Variants in EVC observed in about 807,000 individuals in gnomAD.
EVC encodes the protein EvC ciliary complex subunit 1, also known as evC complex member EVC.
A neutral mutation model predicts 118.9 loss-of-function variants in EVC; 116 were observed. The observed-to-expected ratio is 0.98, with a 90% CI of 0.84 to 1.14. The LOEUF (loss-of-function observed/expected upper bound fraction) is 1.14, where lower values mean the gene tolerates loss of function less well. Among genes scored for constraint, EVC ranks in the 50% most tolerant of loss-of-function variants. EVC has a pLI of 0.00. For synonymous variants in EVC, 619 were observed against 534.7 expected, an observed-to-expected ratio of 1.16 and a Z score of -2.18; for missense variants, 1,401 against 1,246.4, an observed-to-expected ratio of 1.12 and a Z score of -1.87.
In EVC at chr4:5,754,206, G is replaced by A. The variant is rs1356703125; in HGVS notation, c.1464+273G>A. 1.3e-5 allele frequency among the ~76,000 whole-genome samples: 2 copies of A among 152,182 alleles called. No individual in the cohort carries two copies. Among genetic ancestry groups the A allele is most frequent in the African/African-American group, 2.4e-5 (1 of 41,442 alleles). Reference sequence around the variant, plus strand: ...GTAGAGAGCTTGGCAGAGTGCAGACGCATGGCAGGAGCACACAGATGGTGG... The same window carrying A: ...GTAGAGAGCTTGGCAGAGTGCAGACACATGGCAGGAGCACACAGATGGTGG... On this transcript the variant is annotated intron_variant, in intron 10 of 20. Coordinates refer to ENST00000264956, the MANE Select transcript of EVC (RefSeq NM_153717.3). This position sits in a 1 kb window ranked among gnomAD's most constrained non-coding sequence, Gnocchi z 5.8.
At chr4:5,739,241 C>T (rs371759935) in intron 5 of EVC, among the ~76,000 whole-genome samples, 1 of 152,202 alleles carries the variant, frequency 6.6e-6, no homozygotes, top group African/African-American at 2.4e-5. Context: ...AGACTCGAAA[C>T]TAACATCTTG....
chr4:5,745,396 A>T, intron 7 of EVC, 55 bp downstream of exon 7: 1 of 1,580,586 alleles, frequency 6.3e-7, no homozygotes, highest in Non-Finnish European at 8.7e-7. Context: ...AAACAGTTAA[A>T]TTGGCTACAT....
intron 18 of EVC, among the ~76,000 whole-genome samples, chr4:5,808,876 A>T (rs930016718): frequency 2.0e-5 from 3 of 152,242 alleles, no homozygotes; most frequent in African/African-American, 7.2e-5. Context: ...ATCTTCCAGA[A>T]TGGAAGCATT....
At chr4:5,732,786 G>T (rs1459240556) in intron 4 of EVC, among the ~76,000 whole-genome samples, 2 of 152,198 alleles carry the variant, frequency 1.3e-5, no homozygotes, top group African/African-American at 4.8e-5. Flanking sequence ...AAGGTGGGTG[G>T]ATTGCTTGAG....
intron 1 of EVC, among the ~76,000 whole-genome samples, chr4:5,717,760 G>C (rs989029917): frequency 1.3e-5 from 2 of 152,180 alleles, no homozygotes; most frequent in Non-Finnish European, 2.9e-5. Flanking sequence ...CTTCTTTTAA[G>C]TTCCTTCTCA....
intron 12 of EVC, among the ~76,000 whole-genome samples, chr4:5,787,673 C>G (rs1262864375): frequency 1.3e-5 from 2 of 152,164 alleles, no homozygotes; most frequent in East Asian, 3.8e-4. Flanking sequence ...AGTGTTATAG[C>G]AGCCACAGGA....
At chr4:5,788,351 G>A (rs1290351080) in intron 12 of EVC, among the ~76,000 whole-genome samples, 1 of 152,134 alleles carries the variant, frequency 6.6e-6, no homozygotes, top group Non-Finnish European at 1.5e-5. Flanking sequence ...AGTCACTTCT[G>A]TGCTCACTCA....
In EVC at chr4:5,769,559, G is replaced by A. The variant is rs969287633; in HGVS notation, c.1563+13197G>A. On this transcript the variant is annotated intron_variant, in intron 11 of 20. Transcript: ENST00000264956. ...GCGATCGCGTGAGCTCTGTGGCTCG[G>A]CACCTCACAAACAGGTTGCTGCACC... Among the ~76,000 whole-genome samples, 18 of 152,102 alleles carry A rather than the reference G, an allele frequency of 1.2e-4. 1 individual carries two copies. Among genetic ancestry groups the A allele is most frequent in the African/African-American group, 3.6e-4 (15 of 41,404 alleles).
At chr4:5,822,737 G>T in the EVC span, among the ~76,000 whole-genome samples, 1 of 152,164 alleles carries the variant, frequency 6.6e-6, no homozygotes, top group Admixed American at 6.5e-5. Flanking sequence ...AAATCAAAAA[G>T]AGAAAGCAAA....
intron 8 of EVC, among the ~76,000 whole-genome samples, chr4:5,750,270 A>G (rs889557767): frequency 6.6e-5 from 10 of 152,162 alleles, no homozygotes; most frequent in African/African-American, 2.4e-4. Context: ...TGCAAAGGTG[A>G]AAGACTTTTC....
intron 11 of EVC, among the ~76,000 whole-genome samples, chr4:5,767,387 C>G (rs188736297): frequency 1.6e-5 from 2 of 124,246 alleles, no homozygotes; most frequent in African/African-American, 5.6e-5. Flanking sequence ...GATGGAACCT[C>G]CAGAGGCAGG....
intron 11 of EVC, among the ~76,000 whole-genome samples, chr4:5,768,437 C>G (rs149433278): frequency 6.6e-6 from 1 of 152,024 alleles, no homozygotes; most frequent in African/African-American, 2.4e-5. Context: ...TTTGTTTGGA[C>G]GATCAATATC....
chr4:5,748,783 T>C (rs11737282), intron 8 of EVC, among the ~76,000 whole-genome samples: 3 of 107,792 alleles, frequency 2.8e-5, no homozygotes, highest in South Asian at 3.5e-4. Flanking sequence ...CATCCACCCA[T>C]CCATCCATCC....
rs529521701 is a variant in EVC at position 5,738,854 on chromosome 4, C to T, written c.703-2862C>T. Among the ~76,000 whole-genome samples, 4 of 152,192 alleles carry T rather than the reference C, an allele frequency of 2.6e-5. No homozygotes were observed. The South Asian group carries it at 8.3e-4, about 32-fold the overall frequency. On this transcript the variant is annotated intron_variant, in intron 5 of 20. Transcript: ENST00000264956. This position sits in a 1 kb window ranked among gnomAD's most constrained non-coding sequence, Gnocchi z 6.5. ...GTGCTGGGATTACGGGTGTGAGCCACCGCACCCAGCCCAACAACTTTTTTT... is the reference window on the plus strand; with the variant it reads ...GTGCTGGGATTACGGGTGTGAGCCATCGCACCCAGCCCAACAACTTTTTTT...
the EVC span, among the ~76,000 whole-genome samples, chr4:5,827,066 C>G: frequency 6.6e-6 from 1 of 152,228 alleles, no homozygotes; most frequent in Non-Finnish European, 1.5e-5. Flanking sequence ...CAGGTCTCTC[C>G]TTCACCTGGT....
At chr4:5,758,168 A>T (rs1731470230) in intron 11 of EVC, 2 of 700,974 alleles carry the variant, frequency 2.9e-6, no homozygotes, top group Non-Finnish European at 5.2e-6. Flanking sequence ...CAAGCCGAGG[A>T]ACACCTGCAG....
At chr4:5,806,520 A>T (rs1715947317) in intron 17 of EVC, among the ~76,000 whole-genome samples, 1 of 152,036 alleles carries the variant, frequency 6.6e-6, no homozygotes, top group South Asian at 2.1e-4. Context: ...AAAAGACATG[A>T]TTTCATTCTT....
At chr4:5,807,294 G>A (rs1477229727) in intron 17 of EVC, among the ~76,000 whole-genome samples, 3 of 152,216 alleles carry the variant, frequency 2.0e-5, no homozygotes, top group African/African-American at 4.8e-5. Context: ...ATGGATGACA[G>A]CGTCTTGTAG....
Position 5,714,578 on chromosome 4 carries a change from C to T in EVC, c.174+3024C>T, listed in dbSNP as rs186048396. ...GAAGAGGACTTAGCTCTGTTGCCTC[C>T]CTTCCTCCATAAAATGTCCACTCTT... On this transcript the variant is annotated intron_variant, in intron 1 of 20. Coordinates refer to ENST00000264956, the MANE Select transcript of EVC (RefSeq NM_153717.3). Among the ~76,000 whole-genome samples, 243 of 151,198 alleles carry T rather than the reference C, an allele frequency of 1.6e-3. 1 individual carries two copies. Among genetic ancestry groups the T allele is most frequent in the African/African-American group, 5.5e-3 (225 of 41,164 alleles).
Sources: allele counts gnomAD v4.1 joint callset (sites outside exome capture counted in the v4.1 genomes callset), GRCh38; gene constraint gnomAD v4.1.1; non-coding constraint Gnocchi (gnomAD v3.1); transcripts MANE v1.5; gene names NCBI Gene and HGNC (gene_info 2026-07-23, HGNC 2026-07-21).